The following AKAP13 variants were observed in gnomAD, a reference collection of about 807,000 sequenced individuals.
AKAP13 encodes the protein A-kinase anchor protein 13.
Under a neutral mutation model 264.5 loss-of-function variants are expected in AKAP13, and 80 were observed. The ratio of observed to expected loss-of-function variants is 0.30; its 90% CI spans 0.25 to 0.36. The LOEUF (loss-of-function observed/expected upper bound fraction) is 0.36. Among genes scored for constraint, AKAP13 ranks in the 10% least tolerant of loss-of-function variants. The pLI, the probability that AKAP13 is intolerant of heterozygous loss-of-function variation, is 1.00. For synonymous variants in AKAP13, 1,380 were observed against 1,250.2 expected (o/e 1.10, Z -2.19); for missense variants, 3,712 against 3,435.2 (o/e 1.08, Z -2.01).
chr15:85,705,986 G>A (rs2086226179), intron 17 of AKAP13, among the ~76,000 whole-genome samples: 2 of 152,164 alleles, frequency 1.3e-5, no homozygotes, highest in Admixed American at 1.3e-4. Flanking sequence ...ATATATTGAG[G>A]ATTCAGCACG....
intron 1 of AKAP13, among the ~76,000 whole-genome samples, chr15:85,422,691 T>C (rs191700068): frequency 1.8e-4 from 28 of 152,356 alleles, no homozygotes; most frequent in Middle Eastern, 3.4e-3. Flanking sequence ...AATCCAACTC[T>C]CTTGTGAATA....
chr15:85,553,112 GT>G (rs1161511196), intron 5 of AKAP13, among the ~76,000 whole-genome samples: 1 of 135,810 alleles, frequency 7.4e-6, no homozygotes, highest in African/African-American at 2.8e-5. Flanking sequence ...TGGAGACGGA[GT>G]TTCGCTCTTT....
chr15:85,459,345 C>T (rs2074413947), intron 1 of AKAP13, among the ~76,000 whole-genome samples: 1 of 150,418 alleles, frequency 6.6e-6, no homozygotes, highest in Non-Finnish European at 1.5e-5. Context: ...GCCACCACGC[C>T]CGGCTAATTT....
intron 7 of AKAP13, among the ~76,000 whole-genome samples, chr15:85,585,486 C>T (rs10520595): frequency 0.27 from 40,618 of 152,088 alleles, 5,678 homozygotes; most frequent in Non-Finnish European, 0.3. Context: ...TAGTTCCAAG[C>T]GCCTACAAAG....
At chr15:85,644,141 G>A (rs1291966029) in intron 9 of AKAP13, among the ~76,000 whole-genome samples, 4 of 151,714 alleles carry the variant, frequency 2.6e-5, no homozygotes, top group South Asian at 2.1e-4. Context: ...ATCATTTAGT[G>A]TCACCTACAA....
At chr15:85,740,118 A>T in intron 33 of AKAP13, 104 bp from the exon 34 acceptor site, 1 of 1,121,742 alleles carries the variant, frequency 8.9e-7, no homozygotes, top group Non-Finnish European at 1.3e-6. Flanking sequence ...ATAAGCATTT[A>T]GTTGTATCTT....
At chr15:85,387,706 A>C (rs1161887085) in intron 1 of AKAP13, among the ~76,000 whole-genome samples, 1 of 152,172 alleles carries the variant, frequency 6.6e-6, no homozygotes, top group African/African-American at 2.4e-5. Flanking sequence ...AGCCATGAAC[A>C]TGGTATATCT....
chr15:85,390,599 T>G (rs754885803), intron 1 of AKAP13, among the ~76,000 whole-genome samples: 28 of 152,144 alleles, frequency 1.8e-4, no homozygotes, highest in Admixed American at 1.6e-3. Flanking sequence ...TTTAAAAACT[T>G]TACTCTTGGC....
In AKAP13 at chr15:85,463,325, C is replaced by T. The variant is rs184791820; in HGVS notation, c.-11-22385C>T. On this transcript the variant is annotated intron_variant, in intron 1 of 36. Coordinates refer to ENST00000394518, the MANE Select transcript of AKAP13 (RefSeq NM_007200.5). The stretch of plus-strand genomic sequence containing the variant: ...TTTAATGTAGGAATTATGTAGAGAT[C>T]GTTGCCGTTTGACAAATTAAAAGGA... Among the ~76,000 whole-genome samples the T allele has an allele frequency of 1.4e-4, 21 of 152,274 alleles. No homozygotes were observed. The East Asian group carries it at 3.5e-3, about 25-fold the overall frequency.
chr15:85,538,604 C>T (rs2077479696), intron 4 of AKAP13, among the ~76,000 whole-genome samples: 1 of 150,810 alleles, frequency 6.6e-6, no homozygotes, highest in Non-Finnish European at 1.5e-5. Flanking sequence ...ATTCTCCTGC[C>T]TCAGCCTCCC....
chr15:85,581,196 T>G lies in AKAP13; in HGVS notation c.3128T>G (p.Leu1043Trp). 4 of 1,613,842 alleles carry G rather than the reference T, an allele frequency of 2.5e-6. No homozygotes were observed. The highest frequency in any genetic ancestry group is 3.4e-6 in the Non-Finnish European group (4 of 1,179,812). ...GCAGAGCACAACAGCTCCGCTCTGT[T>G]GCCATGTCTGTTGCCAGATGGGTCT... The part of the protein sequence containing the change: ...LGAEHNSSAL[L>W]PCLLPDGSDG... Residue 1043 changes from leucine (L) to tryptophan (W), a missense_variant, in exon 7 of 37, where the codon TTG (leucine) becomes TGG (tryptophan). Physicochemically the swap from Leu to Trp is moderately conservative, Grantham distance 61. Coordinates refer to ENST00000394518, the MANE Select transcript of AKAP13 (RefSeq NM_007200.5).
At chr15:85,682,335 C>G in intron 15 of AKAP13, 123 bp downstream of exon 15, 1 of 973,564 alleles carries the variant, frequency 1.0e-6, no homozygotes, top group African/African-American at 1.7e-5. Context: ...GAGTGATAAA[C>G]TTGGAATAAT....
At chr15:85,733,877 T>TTC (rs1389243222) in intron 30 of AKAP13, among the ~76,000 whole-genome samples, 4 of 141,368 alleles carry the variant, frequency 2.8e-5, no homozygotes. Context: ...TCTTTTCTTT[T>TTC]TTTTTTTTTT....
chr15:85,719,665 G>A (rs1407074131), intron 23 of AKAP13, among the ~76,000 whole-genome samples: 1 of 152,172 alleles, frequency 6.6e-6, no homozygotes, highest in African/African-American at 2.4e-5. Flanking sequence ...GCCAGGCACA[G>A]TGGCTCATGC....
intron 1 of AKAP13, among the ~76,000 whole-genome samples, chr15:85,481,189 G>A (rs1042902259): frequency 6.6e-6 from 1 of 152,042 alleles, no homozygotes; most frequent in African/African-American, 2.4e-5. Flanking sequence ...ATAGTGAGTG[G>A]TTTTTACATA....
At chr15:85,427,591 C>G (rs1156590417) in intron 1 of AKAP13, among the ~76,000 whole-genome samples, 2 of 151,882 alleles carry the variant, frequency 1.3e-5, no homozygotes, top group Non-Finnish European at 2.9e-5. Flanking sequence ...AGTTTTAAAA[C>G]TGGAAGAAAC....
At chr15:85,457,854 TAAAG>T (rs1439341310) in intron 1 of AKAP13, among the ~76,000 whole-genome samples, 1 of 152,116 alleles carries the variant, frequency 6.6e-6, no homozygotes, top group Non-Finnish European at 1.5e-5. Context: ...TAAAAAGTTA[TAAAG>T]AGGCCGGGTG....
intron 17 of AKAP13, among the ~76,000 whole-genome samples, chr15:85,699,060 C>G (rs1238180339): frequency 1.3e-5 from 2 of 151,758 alleles, no homozygotes; most frequent in Admixed American, 1.3e-4. Flanking sequence ...ACAGAGCTCT[C>G]CAAGACATTT....
chr15:85,717,269 G>A lies in AKAP13; in HGVS notation c.5736-21G>A, dbSNP rs144989685. 1,842 of 1,483,646 alleles carry A rather than the reference G, an allele frequency of 1.2e-3. 3 individuals are homozygous for A. The highest frequency in any genetic ancestry group is 1.7e-3 in the Middle Eastern group (10 of 5,844). The allele number at this position is 1,483,646 out of a possible 1,614,324, so 91.9% of individuals were successfully genotyped here. A position where few individuals can be genotyped will look rare whatever the true frequency, so the allele number is the denominator to read the frequency against. ...GTTATCAGAATGTATTTGACAGTATGTATTTTTCTTTTGTCCCCAGAGTTG... is the reference window on the plus strand; with the variant it reads ...GTTATCAGAATGTATTTGACAGTATATATTTTTCTTTTGTCCCCAGAGTTG... On this transcript the variant is annotated intron_variant, in intron 20 of 36. Coordinates refer to ENST00000394518, the MANE Select transcript of AKAP13 (RefSeq NM_007200.5).
Sources: gnomAD v4.1 joint callset for allele counts (sites outside exome capture counted in the v4.1 genomes callset) on GRCh38, gnomAD v4.1.1 for gene constraint, MANE v1.5 for transcripts, NCBI Gene and HGNC (gene_info 2026-07-23, HGNC 2026-07-21) for gene names.